PI16: variants seen among roughly 807,000 people sequenced by gnomAD.
PI16 encodes peptidase inhibitor 16.
A neutral mutation model predicts 38.0 loss-of-function variants in PI16; 35 were observed. That is an observed-to-expected ratio of 0.92 (90% CI 0.70 to 1.22). PI16 has a LOEUF of 1.22. Ranked by LOEUF, PI16 falls within the 50% of genes most tolerant of loss-of-function variation. The probability of loss-of-function intolerance (pLI) is 0.00; values close to 1 mark genes in which losing one functional copy is unlikely to be tolerated. For synonymous variants in PI16, 275 were observed against 252.9 expected (o/e 1.09, Z -0.83); for missense variants, 572 against 593.8 (o/e 0.96, Z 0.38).
At chr6:36,959,414 T>G (rs1005138742) in intron 2 of PI16, 48 bp downstream of exon 2, 1 of 1,499,448 alleles carries the variant, frequency 6.7e-7, no homozygotes, top group Non-Finnish European at 8.9e-7. Flanking sequence ...GGCGTGGGGG[T>G]GGGGCCACGT....
intron 1 of PI16, among the ~76,000 whole-genome samples, chr6:36,957,872 T>A (rs1004781734): frequency 7.2e-5 from 11 of 152,308 alleles, no homozygotes; most frequent in East Asian, 5.8e-4. Context: ...GCACTTACAG[T>A]CCAGCCCGGC....
At chr6:36,953,174 G>T (rs192664601), upstream of PI16, among the ~76,000 whole-genome samples, 181 of 151,932 alleles carry the variant, frequency 1.2e-3, no homozygotes, top group Middle Eastern at 0.014. Context: ...AAAATTTGCC[G>T]GGCATGGTAG....
chr6:36,961,808 A>C, intron 3 of PI16, 78 bp from the exon 4 acceptor site: 1 of 1,207,110 alleles, frequency 8.3e-7, no homozygotes, highest in Non-Finnish European at 1.2e-6. Context: ...TTTCCAGAGT[A>C]GGTGTGTGTA....
At chr6:36,956,420 G>A (rs1763208761) in intron 1 of PI16, among the ~76,000 whole-genome samples, 2 of 152,336 alleles carry the variant, frequency 1.3e-5, no homozygotes, top group Middle Eastern at 6.8e-3. Context: ...CTCAGACAGA[G>A]GTGCGCCTTG....
chr6:36,956,588 G>C (rs771094776), intron 1 of PI16, among the ~76,000 whole-genome samples: 1 of 152,178 alleles, frequency 6.6e-6, no homozygotes, highest in African/African-American at 2.4e-5. Flanking sequence ...GTGAGGGCAG[G>C]GACTCTGCAG....
At chr6:36,953,536 A>C (rs975403726), upstream of PI16, among the ~76,000 whole-genome samples, 2 of 149,582 alleles carry the variant, frequency 1.3e-5, no homozygotes, top group Non-Finnish European at 2.9e-5. Context: ...GTGTGTGTGT[A>C]TGTGTGTGTA....
intron 1 of PI16, among the ~76,000 whole-genome samples, chr6:36,958,139 A>AC (rs199572157): frequency 0.015 from 2,216 of 152,134 alleles, 59 homozygotes; most frequent in African/African-American, 0.048. Context: ...CCACACAGCC[A>AC]CCTCCCCTCA....
chr6:36,956,697 T>C lies in PI16; in HGVS notation c.171+1766T>C, dbSNP rs544505031. ...TGCCTCAGTCTCCTCATCTGTAAAA[T>C]GGGGATGATAACAGTGGGATAATTC... On this transcript the variant is annotated intron_variant, in intron 1 of 6. Coordinates refer to ENST00000373674, the MANE Select transcript of PI16 (RefSeq NM_153370.3). Among the ~76,000 whole-genome samples the C allele has an allele frequency of 2.0e-5, 3 of 152,278 alleles. No homozygotes were observed. The East Asian group carries it at 5.8e-4, about 29-fold the overall frequency.
Sources: gnomAD v4.1 joint callset for allele counts (sites outside exome capture counted in the v4.1 genomes callset) on GRCh38, gnomAD v4.1.1 for gene constraint, MANE v1.5 for transcripts, NCBI Gene and HGNC (gene_info 2026-07-23, HGNC 2026-07-21) for gene names.